HGSNAT: variants seen among roughly 807,000 people sequenced by gnomAD.
HGSNAT encodes the protein transmembrane protein 76.
A neutral mutation model predicts 85.2 loss-of-function variants in HGSNAT; 59 were observed. The observed-to-expected ratio is 0.69, with a 90% CI of 0.56 to 0.86. HGSNAT has a LOEUF of 0.86. Ranked by LOEUF, HGSNAT falls within the 40% of genes least tolerant of loss-of-function variation. The pLI is 0.00. For missense variants in HGSNAT, 756 were observed against 777.1 expected, an observed-to-expected ratio of 0.97 and a Z score of 0.32; for synonymous variants, 321 against 304.5, an observed-to-expected ratio of 1.05 and a Z score of -0.56.
intron 9 of HGSNAT, among the ~76,000 whole-genome samples, chr8:43,176,906 A>G (rs1803829384): frequency 6.6e-6 from 1 of 152,222 alleles, no homozygotes; most frequent in South Asian, 2.1e-4. Flanking sequence ...GTATCCTGCA[A>G]CTTTACTGAA....
chr8:43,179,009 T>C (rs1465080735), intron 10 of HGSNAT, among the ~76,000 whole-genome samples: 1 of 148,734 alleles, frequency 6.7e-6, no homozygotes, highest in Admixed American at 6.7e-5. Context: ...CCATGTCTAC[T>C]TCTATCCACA....
At chr8:43,152,429 C>T (rs1020518592) in intron 2 of HGSNAT, among the ~76,000 whole-genome samples, 4 of 152,026 alleles carry the variant, frequency 2.6e-5, no homozygotes, top group African/African-American at 4.8e-5. Context: ...ATAGCAGAAT[C>T]GAAGTAAGAA....
Position 43,178,148 on chromosome 8 carries a change from G to C in HGSNAT, c.926G>C (p.Arg309Thr). 1.9e-6 allele frequency: 3 copies of C among 1,606,742 alleles called. No individual in the cohort carries two copies. Among genetic ancestry groups the C allele is most frequent in the Non-Finnish European group, 2.5e-6 (3 of 1,177,534 alleles). Residue 309 changes from arginine (R) to threonine (T), a missense_variant, in exon 10 of 18, where the codon AGA (arginine) becomes ACA (threonine). Transcript: ENST00000379644. The part of the protein sequence containing the change: ...SILQRGCSKF[R>T]LLGKIAWRSF... ...CTGCAACGGGGGTGTTCAAAATTCA[G>C]ATTGCTGGGGAAGATTGCATGGAGG...
chr8:43,169,141 A>G, intron 5 of HGSNAT, 32 bp from the exon 6 acceptor site: 1 of 1,376,100 alleles, frequency 7.3e-7, no homozygotes, highest in Admixed American at 2.5e-5. Flanking sequence ...GCCAATGAAA[A>G]TAAATTAATT....
chr8:43,155,508 T>A (rs1158497331), intron 2 of HGSNAT, among the ~76,000 whole-genome samples: 1 of 152,228 alleles, frequency 6.6e-6, no homozygotes, highest in African/African-American at 2.4e-5. Flanking sequence ...TTCTGTCAGA[T>A]GGTAGTGTGT....
At chr8:43,194,538 G>T in intron 14 of HGSNAT, 4 of 975,668 alleles carry the variant, frequency 4.1e-6, no homozygotes, top group Non-Finnish European at 4.9e-6. Context: ...CAAAATACCC[G>T]AGACTGGGTA....
Position 43,191,517 on chromosome 8 carries a change from C to A in HGSNAT, c.1172C>A (p.Pro391His). The change falls in exon 12 of 18, where the codon CCC becomes CAC. Residue 391 changes from proline (P) to histidine (H), a missense_variant. Pro to His is a moderately conservative substitution (Grantham distance 77). Transcript: ENST00000379644. ...CTTCGAGACATCACGTCCAGCTGGC[C>A]CCAGTGGCTGCTCATCCTGGTGCTG... The part of the protein sequence containing the change: ...LSLRDITSSW[P>H]QWLLILVLEG... 2 of 1,613,958 alleles carry A rather than the reference C, an allele frequency of 1.2e-6. No individual in the cohort carries two copies. The highest frequency in any genetic ancestry group is 1.7e-6 in the Non-Finnish European group (2 of 1,179,866).
chr8:43,141,724 CAG>C (rs1281313667), intron 1 of HGSNAT, among the ~76,000 whole-genome samples: 4 of 152,068 alleles, frequency 2.6e-5, no homozygotes, highest in African/African-American at 2.4e-5. Flanking sequence ...AAAAGCGGCT[CAG>C]AGGATTACAT....
chr8:43,178,410 T>C (rs1191740394), intron 10 of HGSNAT, among the ~76,000 whole-genome samples, 176 bp downstream of exon 10: 2 of 152,080 alleles, frequency 1.3e-5, no homozygotes, highest in Non-Finnish European at 2.9e-5. Flanking sequence ...TTTTGAATTT[T>C]AGACCTGGGA....
intron 14 of HGSNAT, chr8:43,194,101 TA>T: frequency 8.1e-7 from 1 of 1,232,848 alleles, no homozygotes; most frequent in Non-Finnish European, 1.0e-6. Flanking sequence ...AGTTTCTAGA[TA>T]AAAGGTTTCC....
In HGSNAT at chr8:43,200,120, G is replaced by A. The variant is rs1347052657; in HGVS notation, c.*551G>A. On this transcript the variant is annotated 3_prime_UTR_variant, in exon 18 of 18. Transcript: ENST00000379644. ...TTCTTTTCAGATATGCAAGGCTTTG[G>A]TGGGTCCAAAAAATGTCTATCACAA... The A allele has an allele frequency of 6.6e-6, 1 of 152,190 alleles. No individual in the cohort carries two copies. The highest frequency in any genetic ancestry group is 1.5e-5 in the Non-Finnish European group (1 of 68,048). The allele number at this position is 152,190 out of a possible 1,614,324, so 9.4% of individuals were successfully genotyped here.
At chr8:43,165,836 T>C (rs564971548) in intron 5 of HGSNAT, among the ~76,000 whole-genome samples, 4 of 152,282 alleles carry the variant, frequency 2.6e-5, no homozygotes, top group Admixed American at 2.0e-4. Context: ...CTCTGGAGCC[T>C]GAGGCAGGAG....
rs1052496217 is a variant in HGSNAT, at chr8:43,164,649, C to T, written c.563+3142C>T. On this transcript the variant is annotated intron_variant, in intron 5 of 17. Transcript: ENST00000379644. ...TAGAAAAATTAGCTGGGCGTGGCGG[C>T]GCACGCCTGTAATCCCAGGTACTCG... is the stretch of plus-strand genomic sequence containing the variant. 4.6e-5 allele frequency among the ~76,000 whole-genome samples: 7 copies of T among 152,158 alleles called. No homozygotes were observed. The East Asian group carries it at 9.7e-4, about 21-fold the overall frequency.
intron 2 of HGSNAT, among the ~76,000 whole-genome samples, chr8:43,154,193 C>CT (rs199725231): frequency 2.6e-5 from 4 of 151,600 alleles, no homozygotes; most frequent in Non-Finnish European, 5.9e-5. Flanking sequence ...ACTTGTATTA[C>CT]TTTTTTTTTC....
intron 2 of HGSNAT, among the ~76,000 whole-genome samples, chr8:43,148,758 A>C (rs1157210012): frequency 1.3e-5 from 2 of 149,708 alleles, no homozygotes; most frequent in East Asian, 3.9e-4. Context: ...GCACCATTGC[A>C]CTCTAACCTG....
At chr8:43,167,462 C>G (rs1027326512) in intron 5 of HGSNAT, among the ~76,000 whole-genome samples, 1 of 152,182 alleles carries the variant, frequency 6.6e-6, no homozygotes, top group Non-Finnish European at 1.5e-5. Context: ...AAGATTAGAA[C>G]TTGCTGAAGG....
At chr8:43,188,491 A>G (rs966888197) in intron 11 of HGSNAT, among the ~76,000 whole-genome samples, 1 of 152,192 alleles carries the variant, frequency 6.6e-6, no homozygotes, top group African/African-American at 2.4e-5. Flanking sequence ...TTTCAGCTCC[A>G]TCAGGTCATT....
intron 1 of HGSNAT, among the ~76,000 whole-genome samples, chr8:43,141,151 C>T (rs975194077): frequency 6.6e-6 from 1 of 152,194 alleles, no homozygotes; most frequent in Non-Finnish European, 1.5e-5. Flanking sequence ...TCGCCCCGCG[C>T]TGGGGTTGAA....
intron 11 of HGSNAT, among the ~76,000 whole-genome samples, chr8:43,189,638 A>G (rs1804456687): frequency 6.6e-6 from 1 of 152,150 alleles, no homozygotes; most frequent in Admixed American, 6.5e-5. Context: ...AGCCCCAGTG[A>G]GATGAACCCG....
Sources: gnomAD v4.1 joint callset for allele counts (sites outside exome capture counted in the v4.1 genomes callset) on GRCh38, gnomAD v4.1.1 for gene constraint, MANE v1.5 for transcripts, NCBI Gene and HGNC (gene_info 2026-07-23, HGNC 2026-07-21) for gene names.